SIL1: variants seen among roughly 807,000 people sequenced by gnomAD.
SIL1 encodes the protein SIL1 nucleotide exchange factor, also known as nucleotide exchange factor SIL1.
A neutral mutation model predicts 49.1 loss-of-function variants in SIL1; 40 were observed. The ratio of observed to expected loss-of-function variants is 0.81; its 90% CI spans 0.63 to 1.06. SIL1 has a LOEUF of 1.06. Ranked by LOEUF, SIL1 falls within the 50% of genes least tolerant of loss-of-function variation. The pLI is 0.00. For missense variants in SIL1, 500 were observed against 572.6 expected, an observed-to-expected ratio of 0.87 and a Z score of 1.29; for synonymous variants, 253 against 250.8, an observed-to-expected ratio of 1.01 and a Z score of -0.08.
intron 1 of SIL1, chr5:139,137,204 G>A (rs1417672411): frequency 9.7e-6 from 6 of 616,144 alleles, no homozygotes; most frequent in Admixed American, 5.1e-5. Flanking sequence ...AACATTTATA[G>A]AGAACTTTCC....
intron 3 of SIL1, among the ~76,000 whole-genome samples, chr5:139,117,838 G>T (rs996504277): frequency 6.6e-6 from 1 of 152,032 alleles, no homozygotes; most frequent in African/African-American, 2.4e-5. Flanking sequence ...GAGTGACTGG[G>T]GCCCAATTCC....
At chr5:139,148,411 G>T (rs987259571) in intron 1 of SIL1, among the ~76,000 whole-genome samples, 2 of 152,190 alleles carry the variant, frequency 1.3e-5, no homozygotes, top group Non-Finnish European at 1.5e-5. Context: ...AGGGATACCA[G>T]TGGGACCCCA....
intron 7 of SIL1, among the ~76,000 whole-genome samples, chr5:138,985,178 C>G (rs1767625505): frequency 6.6e-6 from 1 of 152,168 alleles, no homozygotes; most frequent in South Asian, 2.1e-4. Context: ...TAAGTATGTT[C>G]AATTTTGAGA....
chr5:139,112,035 C>CT, intron 3 of SIL1, among the ~76,000 whole-genome samples: 1 of 152,202 alleles, frequency 6.6e-6, no homozygotes, highest in African/African-American at 2.4e-5. Context: ...TTGCTGGAGA[C>CT]GGGGTTTCGC....
At chr5:139,177,297 T>TG (rs1751905543) in intron 1 of SIL1, among the ~76,000 whole-genome samples, 1 of 151,906 alleles carries the variant, frequency 6.6e-6, no homozygotes, top group South Asian at 2.1e-4. Flanking sequence ...TGGAGTGCAG[T>TG]GGCACCATCT....
At chr5:139,170,373 G>A (rs1353469563) in intron 1 of SIL1, among the ~76,000 whole-genome samples, 2 of 150,142 alleles carry the variant, frequency 1.3e-5, no homozygotes, top group East Asian at 2.0e-4. Flanking sequence ...GCCCAGTCTG[G>A]AAAGTGAGGA....
intron 5 of SIL1, chr5:139,035,632 A>T: frequency 3.7e-6 from 1 of 272,326 alleles, no homozygotes; most frequent in Non-Finnish European, 7.1e-6. Context: ...CGTGCATCTC[A>T]GGTATACAAC....
intron 7 of SIL1, among the ~76,000 whole-genome samples, chr5:138,998,145 A>C (rs1767910784): frequency 6.6e-6 from 1 of 152,114 alleles, no homozygotes; most frequent in African/African-American, 2.4e-5. Flanking sequence ...TGCTGCTATA[A>C]AGAAACATCT....
At chr5:139,024,824 C>A (rs10056205) in intron 6 of SIL1, among the ~76,000 whole-genome samples, 3,293 of 152,300 alleles carry the variant, frequency 0.022, 129 homozygotes, top group African/African-American at 0.076. Context: ...CACTCTTTTC[C>A]ATGGCCTACA....
chr5:138,969,205 T>C (rs1767217345), intron 7 of SIL1, among the ~76,000 whole-genome samples: 1 of 152,192 alleles, frequency 6.6e-6, no homozygotes, highest in Non-Finnish European at 1.5e-5. Flanking sequence ...TCACCTCTAG[T>C]AGGTAATGCC....
At chr5:139,173,541 C>A (rs533842212) in intron 1 of SIL1, among the ~76,000 whole-genome samples, 3 of 151,792 alleles carry the variant, frequency 2.0e-5, no homozygotes, top group Admixed American at 1.3e-4. Context: ...CAGAGTGAGA[C>A]GCTGTCTTAA....
At chr5:139,068,248 T>C (rs1769749772) in intron 3 of SIL1, among the ~76,000 whole-genome samples, 1 of 152,188 alleles carries the variant, frequency 6.6e-6, no homozygotes. Flanking sequence ...AAGCAACAAG[T>C]TGGCTGAGAG....
chr5:139,037,044 A>T (rs1026755184), intron 5 of SIL1, among the ~76,000 whole-genome samples: 12 of 151,826 alleles, frequency 7.9e-5, no homozygotes, highest in African/African-American at 2.9e-4. Flanking sequence ...AAATTTTCTT[A>T]ATTTTCCTCT....
Position 139,026,879 on chromosome 5 carries a change from G to C in SIL1, c.567C>G (p.Ile189Met). Residue 189 changes from isoleucine to methionine, a missense_variant, in exon 6 of 10, where the codon ATC becomes ATG. Transcript: ENST00000394817. ...TGGAGCTGGAACTATTGAACTTGTT[G>C]ATCAGCCGTACCATGATCTGCATGT... ...ETDMQIMVRL[I>M]NKFNSSSSSL... is the part of the protein sequence containing the mutation. 6.2e-7 allele frequency: 1 copy of C among 1,614,190 alleles called. No individual in the cohort carries two copies. The highest frequency in any genetic ancestry group is 1.1e-5 in the South Asian group (1 of 91,082).
intron 3 of SIL1, among the ~76,000 whole-genome samples, chr5:139,114,236 T>C (rs1164575220): frequency 6.6e-6 from 1 of 152,212 alleles, no homozygotes; most frequent in Non-Finnish European, 1.5e-5. Context: ...CAGTCCTTCC[T>C]GGCCTGGCCT....
chr5:138,984,595 G>T (rs1453468530), intron 7 of SIL1, among the ~76,000 whole-genome samples: 1 of 152,076 alleles, frequency 6.6e-6, no homozygotes, highest in Non-Finnish European at 1.5e-5. Context: ...CTGACCTCAG[G>T]TGATCCACCC....
chr5:139,051,712 G>A (rs1025281556), intron 3 of SIL1, among the ~76,000 whole-genome samples: 2 of 152,238 alleles, frequency 1.3e-5, no homozygotes, highest in African/African-American at 2.4e-5. Context: ...AAGGAGGCAG[G>A]GAGTGGAGCC....
intron 7 of SIL1, among the ~76,000 whole-genome samples, chr5:138,994,378 CTA>C (rs1019858136): frequency 6.6e-6 from 1 of 152,084 alleles, no homozygotes; most frequent in African/African-American, 2.4e-5. Flanking sequence ...ATAACAAATA[CTA>C]TGAGGTAATT....
chr5:139,009,960 G>A (rs894868062), intron 7 of SIL1, among the ~76,000 whole-genome samples: 8 of 151,942 alleles, frequency 5.3e-5, no homozygotes, highest in African/African-American at 1.7e-4. Flanking sequence ...CTCTTCTTGA[G>A]GAGCATCTTT....
Sources: gnomAD v4.1 joint callset for allele counts (sites outside exome capture counted in the v4.1 genomes callset) on GRCh38, gnomAD v4.1.1 for gene constraint, MANE v1.5 for transcripts, NCBI Gene and HGNC (gene_info 2026-07-23, HGNC 2026-07-21) for gene names.